Variants in CCDC82 observed in about 807,000 individuals in gnomAD.
The protein encoded by CCDC82 is coiled-coil domain containing 82.
In CCDC82, 47 loss-of-function variants were observed where a neutral mutation model predicts 60.6. The observed-to-expected ratio is 0.77, with a 90% CI of 0.61 to 0.99. The LOEUF (loss-of-function observed/expected upper bound fraction) is 0.99. CCDC82 is among the 50% of genes least tolerant of loss of function. The pLI, the probability that CCDC82 is intolerant of heterozygous loss-of-function variation, is 0.00. For synonymous variants in CCDC82, 212 were observed against 207.4 expected, an observed-to-expected ratio of 1.02 and a Z score of -0.19; for missense variants, 588 against 633.0, an observed-to-expected ratio of 0.93 and a Z score of 0.76.
At chr11:96,381,656 T>G (rs1865883303) in intron 5 of CCDC82, 1 of 151,748 alleles carries the variant, frequency 6.6e-6, no homozygotes, top group Non-Finnish European at 1.5e-5. Context: ...GTTCCATGAT[T>G]TATATTTTCA....
intron 5 of CCDC82, among the ~76,000 whole-genome samples, chr11:96,379,262 AATTTT>A (rs917531879): frequency 6.6e-5 from 10 of 151,992 alleles, no homozygotes; most frequent in Admixed American, 3.3e-4. Flanking sequence ...GTCTATATTA[AATTTT>A]ATTTATTATA....
chr11:96,384,616 A>C lies in CCDC82; in HGVS notation c.132T>G (p.Leu44=), dbSNP rs1005756770. 3.7e-6 allele frequency: 6 copies of C among 1,613,644 alleles called. No homozygotes were observed. The highest frequency in any genetic ancestry group is 4.2e-6 in the Non-Finnish European group (5 of 1,179,720). Residue 44 remains leucine, a synonymous_variant, in exon 4 of 10, where the codon CTT becomes CTG. Transcript: ENST00000646818. ...CATCACTATCAAATTCTTCACTATC[A>C]AGCTCTTCATCACTATCAAGTAATT... ...ISQLLDSDEE[L]DSEEFDSDEE...
At position 96,373,430 on chromosome 11, in the gene CCDC82, A is replaced by C. The variant is rs201538766; in HGVS notation, c.1029T>G (p.Val343=). 73 of 1,609,920 alleles carry C rather than the reference A, an allele frequency of 4.5e-5. No individual in the cohort carries two copies. Among genetic ancestry groups the C allele is most frequent in the Non-Finnish European group, 6.2e-5 (73 of 1,177,136 alleles). ...FSDHYTHFER[V]VKALLINALD... ...AAGCGTTGATCAGAAGAGCCTTCAC[A>C]ACTCTTTCAAAATGAGTATAGTGGT... is the stretch of plus-strand genomic sequence containing the variant. The change falls in exon 6 of 10, where the codon GTT becomes GTG. Residue 343 remains valine (V), a synonymous_variant. Transcript: ENST00000646818.
intron 1 of CCDC82, chr11:96,388,853 C>G (rs1170640532): frequency 6.6e-6 from 1 of 152,124 alleles, no homozygotes; most frequent in Non-Finnish European, 1.5e-5. Flanking sequence ...GTTTGGAGAG[C>G]AAAGATTAAT....
intron 7 of CCDC82, among the ~76,000 whole-genome samples, chr11:96,368,978 C>A (rs1324496716): frequency 5.9e-5 from 9 of 152,202 alleles, no homozygotes; most frequent in Admixed American, 5.2e-4. Flanking sequence ...CAACTTGCTG[C>A]AGCTTCTCCA....
intron 5 of CCDC82, among the ~76,000 whole-genome samples, chr11:96,377,903 AAT>A (rs1865676320): frequency 6.6e-6 from 1 of 152,052 alleles, no homozygotes. Flanking sequence ...TTTCTTCTAT[AAT>A]AACCTTGAAT....
chr11:96,376,488 C>T (rs1865583285), intron 5 of CCDC82, among the ~76,000 whole-genome samples: 1 of 150,292 alleles, frequency 6.7e-6, no homozygotes, highest in African/African-American at 2.5e-5. Context: ...AATGCAGTGG[C>T]ACGATCTTGG....
chr11:96,373,304 T>A (rs1865381987), intron 6 of CCDC82, 71 bp downstream of exon 6: 2 of 963,398 alleles, frequency 2.1e-6, no homozygotes. Flanking sequence ...TACATAGTTT[T>A]AAAAGTGAGG....
At position 96,357,529 on chromosome 11, in the gene CCDC82, C is replaced by T. The variant is rs571603457; in HGVS notation, c.1566+1464G>A. 7.1e-6 allele frequency: 7 copies of T among 985,180 alleles called. No individual in the cohort carries two copies. In the South Asian group the frequency reaches 1.4e-4, roughly 20 times the overall value. 61.0% of individuals were successfully genotyped at this position (985,180 alleles called of 1,614,324 possible). On this transcript the variant is annotated intron_variant, in intron 9 of 9. Coordinates refer to ENST00000646818, the MANE Select transcript of CCDC82 (RefSeq NM_024725.4). Reference sequence around the variant, plus strand: ...AAAATTCCAGGTCCCTTCTGGTGTCCTAAACCTTGTTAAGCTTTTTCTAGG... The same window carrying T: ...AAAATTCCAGGTCCCTTCTGGTGTCTTAAACCTTGTTAAGCTTTTTCTAGG...
At chr11:96,354,073 TAC>T (rs1591151379) in intron 9 of CCDC82, 1 of 169,730 alleles carries the variant, frequency 5.9e-6, no homozygotes, top group Non-Finnish European at 1.2e-5. Context: ...ACTGTCTAGG[TAC>T]AGTGTTTTTT....
At chr11:96,353,923 G>A (rs1864216402) in intron 9 of CCDC82, 1 of 382,824 alleles carries the variant, frequency 2.6e-6, no homozygotes, top group Non-Finnish European at 4.6e-6. Flanking sequence ...ATTGGAAAGT[G>A]ATCAAAGTGA....
At position 96,353,553 on chromosome 11, in the gene CCDC82, A is replaced by G; in HGVS notation, c.*93T>C. On this transcript the variant is annotated 3_prime_UTR_variant, in exon 10 of 10. Transcript: ENST00000646818. ...AATATTTTGCCATGAAGATATAGATAAAATGTACAAACATGTCACATGATA... is the reference window on the plus strand; with the variant it reads ...AATATTTTGCCATGAAGATATAGATGAAATGTACAAACATGTCACATGATA... The G allele has an allele frequency of 1.0e-6, 1 of 991,066 alleles. No individual in the cohort carries two copies. Among genetic ancestry groups the G allele is most frequent in the Non-Finnish European group, 1.6e-6 (1 of 637,200 alleles). The allele number at this position is 991,066 out of a possible 1,614,324, so 61.4% of individuals were successfully genotyped here.
At chr11:96,358,144 T>C (rs1023248652) in intron 9 of CCDC82, 16 of 986,822 alleles carry the variant, frequency 1.6e-5, no homozygotes, top group African/African-American at 5.2e-5. Context: ...CCCTATGATA[T>C]AGTCCAGGCA....
At chr11:96,383,143 G>T (rs1459248523) in intron 5 of CCDC82, 126 bp downstream of exon 5, 11 of 663,940 alleles carry the variant, frequency 1.7e-5, no homozygotes, top group Non-Finnish European at 2.9e-5. Flanking sequence ...AACTGACAAG[G>T]TTATCTGAAA....
chr11:96,365,147 G>T lies in CCDC82; in HGVS notation c.1213C>A (p.Arg405=). The change falls in exon 8 of 10, where the codon CGA becomes AGA. Residue 405 remains arginine, a synonymous_variant. Coordinates refer to ENST00000646818, the MANE Select transcript of CCDC82 (RefSeq NM_024725.4). ...RSRWKEQYKE[R]VENYSNVSIH... is the part of the protein sequence containing the mutation. ...CTTACATTAGAATAATTTTCTACTC[G>T]CTCCTGAAAACAAAAAATATAAAAA... The T allele has an allele frequency of 6.5e-7, 1 of 1,529,036 alleles. No homozygotes were observed. Among genetic ancestry groups the T allele is most frequent in the Non-Finnish European group, 8.8e-7 (1 of 1,135,904 alleles). 94.7% of individuals were successfully genotyped at this position (1,529,036 alleles called of 1,614,324 possible).
At chr11:96,382,157 G>GT (rs1368444814) in intron 5 of CCDC82, 9 of 151,892 alleles carry the variant, frequency 5.9e-5, no homozygotes, top group African/African-American at 1.9e-4. Context: ...CTGTGCAACT[G>GT]TGTGTGTGGG....
intron 7 of CCDC82, among the ~76,000 whole-genome samples, chr11:96,368,815 G>A (rs562537570): frequency 2.7e-4 from 40 of 150,148 alleles, no homozygotes; most frequent in African/African-American, 6.6e-4. Flanking sequence ...GCAGTGAGCC[G>A]AGATTGCGCC....
intron 7 of CCDC82, among the ~76,000 whole-genome samples, chr11:96,365,589 A>G (rs865938929): frequency 1.6e-4 from 24 of 152,198 alleles, no homozygotes; most frequent in African/African-American, 5.8e-4. Context: ...TTGCCACAAA[A>G]ATATTCCAGA....
chr11:96,357,174 T>A, intron 9 of CCDC82: 1 of 985,424 alleles, frequency 1.0e-6, no homozygotes, highest in African/African-American at 1.7e-5. Context: ...GTGACAAATT[T>A]TGAAATTTCA....
Sources: gnomAD v4.1 joint callset for allele counts (sites outside exome capture counted in the v4.1 genomes callset) on GRCh38, gnomAD v4.1.1 for gene constraint, MANE v1.5 for transcripts, NCBI Gene and HGNC (gene_info 2026-07-23, HGNC 2026-07-21) for gene names.